UNC5B: variants seen among roughly 807,000 people sequenced by gnomAD.
UNC5B encodes the protein unc-5 netrin receptor B.
In UNC5B, 56 loss-of-function variants were observed where a neutral mutation model predicts 103.7. That is an observed-to-expected ratio of 0.54 (90% CI 0.44 to 0.67). The LOEUF (loss-of-function observed/expected upper bound fraction) is 0.67, where lower values mean the gene tolerates loss of function less well. UNC5B is among the 30% of genes least tolerant of loss of function. The probability of loss-of-function intolerance (pLI) is 0.00; values close to 1 mark genes in which losing one functional copy is unlikely to be tolerated. For missense variants in UNC5B, 1,194 were observed against 1,284.5 expected (o/e 0.93, Z 1.08); for synonymous variants, 577 against 542.0 (o/e 1.06, Z -0.90).
chr10:71,283,434 G>A (rs1844982227), intron 2 of UNC5B, among the ~76,000 whole-genome samples: 1 of 152,298 alleles, frequency 6.6e-6, no homozygotes, highest in African/African-American at 2.4e-5. Context: ...CTTCACAAAG[G>A]TCACCCAGCT....
rs753953492 is a variant in UNC5B at position 71,287,742 on chromosome 10, C to T, written c.878C>T (p.Thr293Ile). 4.3e-6 allele frequency: 7 copies of T among 1,612,912 alleles called. No homozygotes were observed. Among genetic ancestry groups the T allele is most frequent in the Middle Eastern group, 1.7e-4 (1 of 6,052 alleles). The change falls in exon 6 of 17, where the codon ACC becomes ATC. Residue 293 changes from threonine to isoleucine, a missense_variant. Transcript: ENST00000335350. ...AFCEGQAFQKTACTTICPVDG... is the reference protein window; with the variant it reads ...AFCEGQAFQKIACTTICPVDG... Reference sequence around the variant, plus strand: ...TGCGAGGGCCAGGCATTCCAGAAGACCGCCTGCACCACCATCTGCCCAGGT... The same window carrying T: ...TGCGAGGGCCAGGCATTCCAGAAGATCGCCTGCACCACCATCTGCCCAGGT...
intron 1 of UNC5B, among the ~76,000 whole-genome samples, chr10:71,265,212 C>T (rs909395185): frequency 3.3e-5 from 5 of 152,180 alleles, no homozygotes; most frequent in Admixed American, 2.6e-4. Context: ...GCTGTTAACT[C>T]ATTACCTGAA....
rs1253641274 is a variant in UNC5B, at chr10:71,290,993, C to T, written c.1178C>T (p.Ala393Val). The T allele has an allele frequency of 2.2e-5, 35 of 1,613,560 alleles. No individual in the cohort carries two copies. The highest frequency in any genetic ancestry group is 3.3e-5 in the Admixed American group (2 of 59,994). ...AIFVVVAILMAVGVVVYRRNC... is the reference protein window; with the variant it reads ...AIFVVVAILMVVGVVVYRRNC... ...TTCGTGGTCGTGGCAATCCTCATGG[C>T]GGTGGGGGTGGTGGTGTACCGCCGC... is the stretch of plus-strand genomic sequence containing the variant. The change falls in exon 9 of 17, where the codon GCG (alanine) becomes GTG (valine). Residue 393 changes from alanine (A) to valine (V), a missense_variant. Coordinates refer to ENST00000335350, the MANE Select transcript of UNC5B (RefSeq NM_170744.5).
At chr10:71,286,392 C>T (rs1000877479) in intron 4 of UNC5B, among the ~76,000 whole-genome samples, 15 of 152,364 alleles carry the variant, frequency 9.8e-5, no homozygotes, top group Non-Finnish European at 1.9e-4. Flanking sequence ...TTCTCGGCAC[C>T]TTACACATGC....
chr10:71,291,472 GAC>G lies in UNC5B; in HGVS notation c.1337_1338del (p.Thr446SerfsTer35), dbSNP rs1564512671. On this transcript the variant is annotated frameshift_variant, in exon 10 of 17. Coordinates refer to ENST00000335350, the MANE Select transcript of UNC5B (RefSeq NM_170744.5). LOFTEE classifies it high-confidence loss of function. ...LLHPSVPPDL[T>X]ASAGIYRGPV... ...TACACCCCTCTGTGCCTCCTGACCT[GAC>G]AGCCAGCGCCGGCATCTACCGCGGA... The G allele has an allele frequency of 2.5e-6, 4 of 1,613,716 alleles. No individual in the cohort carries two copies. Among genetic ancestry groups the G allele is most frequent in the Non-Finnish European group, 3.4e-6 (4 of 1,179,812 alleles).
Position 71,292,565 on chromosome 10 carries a change from C to T in UNC5B, c.1772+11C>T, listed in dbSNP as rs754441849. ...GGCAGAAAGTACCCTGTGAGTAGAG[C>T]CCCAGCCGCTGCTCCTTTTTCTTCC... On this transcript the variant is annotated intron_variant, in intron 11 of 16. Coordinates refer to ENST00000335350, the MANE Select transcript of UNC5B (RefSeq NM_170744.5). 6.3e-7 allele frequency: 1 copy of T among 1,589,062 alleles called. No individual in the cohort carries two copies. The highest frequency in any genetic ancestry group is 1.1e-5 in the South Asian group (1 of 86,976).
chr10:71,227,715 C>T (rs56782524), intron 1 of UNC5B, among the ~76,000 whole-genome samples: 4,002 of 133,206 alleles, frequency 0.03, 213 homozygotes, highest in African/African-American at 0.1. Context: ...TATACACACA[C>T]ACACACACAC....
rs2132230080 is a variant in UNC5B, at chr10:71,212,993, C to T, written c.8C>T (p.Ala3Val). The stretch of plus-strand genomic sequence containing the variant: ...GAACCAGGCCGCGGGAGCATGGGGG[C>T]CCGGAGCGGAGCTCGGGGCGCGCTG... MG[A>V]RSGARGALLL... Residue 3 changes from alanine (A) to valine (V), a missense_variant, in exon 1 of 17, where the codon GCC (alanine) becomes GTC (valine). Transcript: ENST00000335350. The T allele has an allele frequency of 2.9e-6, 4 of 1,396,186 alleles. No individual in the cohort carries two copies. The highest frequency in any genetic ancestry group is 3.7e-6 in the Non-Finnish European group (4 of 1,070,202). 86.5% of individuals were successfully genotyped at this position (1,396,186 alleles called of 1,614,324 possible). A position where few individuals can be genotyped will look rare whatever the true frequency, so the allele number is the denominator to read the frequency against.
rs1845482031 is a variant in UNC5B at position 71,297,852 on chromosome 10, C to G, written c.2491-57C>G. 78 of 1,538,164 alleles carry G rather than the reference C, an allele frequency of 5.1e-5. No individual in the cohort carries two copies. The South Asian group carries it at 8.8e-4, about 17-fold the overall frequency. ...AGCTCACAGTCCAAGGGGAGGGAGG[C>G]TGGAGGGCAGATGCCCAGCACTGTG... On this transcript the variant is annotated intron_variant, in intron 15 of 16. Transcript: ENST00000335350.
intron 1 of UNC5B, among the ~76,000 whole-genome samples, chr10:71,219,321 C>T (rs534630052): frequency 1.2e-4 from 19 of 152,212 alleles, no homozygotes; most frequent in South Asian, 4.2e-4. Context: ...TTAACTCACA[C>T]GATCACAAGG....
rs571032389 is a variant in UNC5B at position 71,301,559 on chromosome 10, C to T, written c.*2282C>T. ...GCTCGGCCTCACTGGTCACTGTTAG[C>T]CCATGAACACGTGTGGGCCTCGGTC... On this transcript the variant is annotated 3_prime_UTR_variant, in exon 17 of 17. Transcript: ENST00000335350. 15 of 152,336 alleles carry T rather than the reference C, an allele frequency of 9.8e-5. No individual in the cohort carries two copies. The highest frequency in any genetic ancestry group is 3.4e-4 in the African/African-American group (14 of 41,572). The allele number at this position is 152,336 out of a possible 1,614,324, so 9.4% of individuals were successfully genotyped here.
chr10:71,270,088 G>T (rs569817861), intron 1 of UNC5B, among the ~76,000 whole-genome samples: 2 of 152,214 alleles, frequency 1.3e-5, no homozygotes, highest in Non-Finnish European at 2.9e-5. Flanking sequence ...AGTGGCTCAC[G>T]CCTGTAATCC....
intron 1 of UNC5B, among the ~76,000 whole-genome samples, chr10:71,220,661 T>C (rs1843435646): frequency 6.6e-6 from 1 of 152,188 alleles, no homozygotes; most frequent in Non-Finnish European, 1.5e-5. Context: ...ATCCTCAGAA[T>C]TGCCTTGAGA....
chr10:71,271,747 A>AG, intron 1 of UNC5B, among the ~76,000 whole-genome samples: 1 of 152,322 alleles, frequency 6.6e-6, no homozygotes, highest in East Asian at 1.9e-4. Flanking sequence ...GACGTTTCAC[A>AG]GGAGCAGATG....
chr10:71,294,325 C>A (rs946977), intron 13 of UNC5B, among the ~76,000 whole-genome samples: 129,493 of 152,222 alleles, frequency 0.85, 57,315 homozygotes, highest in East Asian at 1. Flanking sequence ...TCAGCATGAC[C>A]AACTAAAAGG....
chr10:71,289,033 C>A lies in UNC5B; in HGVS notation c.1099+43C>A, dbSNP rs1241026452. ...GCTGTCCTCTTTCCTCTGGGGGATC[C>A]CTGGTTCTCTTTGGCTGGCTTTTCC... On this transcript the variant is annotated intron_variant, in intron 8 of 16. Transcript: ENST00000335350. 1.9e-6 allele frequency: 3 copies of A among 1,614,044 alleles called. No individual in the cohort carries two copies. In the East Asian group the frequency reaches 6.7e-5, roughly 36 times the overall value.
chr10:71,294,961 C>A (rs1168987061), intron 13 of UNC5B, among the ~76,000 whole-genome samples: 1 of 152,164 alleles, frequency 6.6e-6, no homozygotes, highest in Non-Finnish European at 1.5e-5. Context: ...GTGTGTGAGC[C>A]CCTTCCCCTC....
chr10:71,277,233 G>A (rs1260991509), intron 1 of UNC5B, among the ~76,000 whole-genome samples: 1 of 152,242 alleles, frequency 6.6e-6, no homozygotes, highest in Admixed American at 6.5e-5. Flanking sequence ...GAAGATGGGG[G>A]CAGGCACGTG....
chr10:71,297,844 G>A (rs894345681), intron 15 of UNC5B, 65 bp from the exon 16 acceptor site: 1 of 1,520,254 alleles, frequency 6.6e-7, no homozygotes, highest in South Asian at 1.3e-5. Context: ...AGTCCAAGGG[G>A]AGGGAGGCTG....
Sources: allele counts gnomAD v4.1 joint callset (sites outside exome capture counted in the v4.1 genomes callset), GRCh38; gene constraint gnomAD v4.1.1; transcripts MANE v1.5; gene names NCBI Gene and HGNC (gene_info 2026-07-23, HGNC 2026-07-21).